The following PARP4 variants were observed in gnomAD, a reference collection of about 807,000 sequenced individuals.
PARP4 encodes protein mono-ADP-ribosyltransferase PARP4.
A neutral mutation model predicts 187.7 loss-of-function variants in PARP4; 120 were observed. That is an observed-to-expected ratio of 0.64 (90% confidence interval 0.55 to 0.74). PARP4 has a LOEUF of 0.74. Among genes scored for constraint, PARP4 ranks in the 30% least tolerant of loss-of-function variants. PARP4 has a pLI of 0.00. For synonymous variants in PARP4, 654 were observed against 740.9 expected, an observed-to-expected ratio of 0.88 and a Z score of 1.90; for missense variants, 1,836 against 2,070.5, an observed-to-expected ratio of 0.89 and a Z score of 2.20.
rs773779252 is a variant in PARP4 at position 24,434,660 on chromosome 13, G to A, written c.4481C>T (p.Thr1494Ile). Residue 1494 changes from threonine to isoleucine, a missense_variant, in exon 31 of 34, where the codon ACC becomes ATC. Thr to Ile is a moderately conservative substitution (Grantham distance 89). This residue lies in a region of PARP4 where 450 missense variants were observed against 439.2 expected (regional missense o/e 1.02). Coordinates refer to ENST00000381989, the MANE Select transcript of PARP4 (RefSeq NM_006437.4). ...PEALCSQSRT[T>I]PVDLCLLEES... ...TTCTAGAAGACAGAGATCTACTGGG[G>A]TAGTCCGGGACTGACTGCAAAGAGC... 3.1e-6 allele frequency: 5 copies of A among 1,613,842 alleles called. No individual in the cohort carries two copies. The highest frequency in any genetic ancestry group is 4.2e-6 in the Non-Finnish European group (5 of 1,179,944).
intron 32 of PARP4, among the ~76,000 whole-genome samples, chr13:24,430,932 G>T (rs1345983002): frequency 2.0e-5 from 3 of 152,222 alleles, no homozygotes; most frequent in East Asian, 1.9e-4. Flanking sequence ...CTAGCAGGGG[G>T]ATGATGCCAG....
Position 24,455,213 on chromosome 13 carries a change from C to T in PARP4, c.2563-1G>A. 6.3e-7 allele frequency: 1 copy of T among 1,575,368 alleles called. No individual in the cohort carries two copies. The highest frequency in any genetic ancestry group is 1.1e-5 in the South Asian group (1 of 88,220). ...CGGGTTGAAAGACAAGCATGCAAGC[C>T]TGAAAGGAGAAAGAAGGTGCTGGAC... On this transcript the variant is annotated splice_acceptor_variant, in intron 21 of 33. Coordinates refer to ENST00000381989, the MANE Select transcript of PARP4 (RefSeq NM_006437.4). LOFTEE classifies it high-confidence loss of function.
rs756843137 is a variant in PARP4, at chr13:24,454,987, C to A, written c.2758+30G>T. 1.4e-5 allele frequency: 21 copies of A among 1,522,190 alleles called. No individual in the cohort carries two copies. In the South Asian group the frequency reaches 2.6e-4, roughly 19 times the overall value. 94.3% of individuals were successfully genotyped at this position (1,522,190 alleles called of 1,614,324 possible). On this transcript the variant is annotated intron_variant, in intron 22 of 33. Transcript: ENST00000381989. The stretch of plus-strand genomic sequence containing the variant: ...ATGTGATTCACATGTAGGGGAAGCA[C>A]ACGCAGGACCAGGGCCAAAGCGCAC...
chr13:24,475,494 C>T lies in PARP4; in HGVS notation c.1892G>A (p.Arg631Lys). 6.2e-7 allele frequency: 1 copy of T among 1,614,082 alleles called. No homozygotes were observed. Among genetic ancestry groups the T allele is most frequent in the Non-Finnish European group, 8.5e-7 (1 of 1,179,924 alleles). ...TACCTGGGCTACAGTGTCTATGATT[C>T]TCCCTTTGATGTGGACATCCTCCAG... The part of the protein sequence containing the change: ...VPLEDVHIKG[R>K]IIDTVAQVIV... The change falls in exon 15 of 34, where the codon AGA (arginine) becomes AAA (lysine). Residue 631 changes from arginine (R) to lysine (K), a missense_variant. Physicochemically the swap from Arg to Lys is conservative, Grantham distance 26. Coordinates refer to ENST00000381989, the MANE Select transcript of PARP4 (RefSeq NM_006437.4).
intron 32 of PARP4, among the ~76,000 whole-genome samples, chr13:24,429,207 T>G (rs57871132): frequency 0.053 from 8,100 of 152,272 alleles, 627 homozygotes; most frequent in African/African-American, 0.17. Flanking sequence ...TTGCTGAGAT[T>G]CTGCGATTCA....
intron 33 of PARP4, among the ~76,000 whole-genome samples, chr13:24,425,179 T>C (rs1031239891): frequency 1.2e-4 from 19 of 152,002 alleles, no homozygotes; most frequent in Non-Finnish European, 2.8e-4. Context: ...TGCACACCTG[T>C]AGTCCCAGTT....
chr13:24,438,289 A>C (rs1870735981), intron 30 of PARP4, among the ~76,000 whole-genome samples: 1 of 152,160 alleles, frequency 6.6e-6, no homozygotes, highest in Admixed American at 6.5e-5. Context: ...TGCACAGTTC[A>C]CAACAGGTTC....
At chr13:24,455,286 C>A in intron 21 of PARP4, 74 bp from the exon 22 acceptor site, 2 of 1,112,276 alleles carry the variant, frequency 1.8e-6, no homozygotes, top group Non-Finnish European at 2.5e-6. Context: ...TAGAAAACTC[C>A]AAAACTTTCT....
At chr13:24,494,503 T>C (rs963941082) in intron 7 of PARP4, 70 bp downstream of exon 7, 7 of 1,398,066 alleles carry the variant, frequency 5.0e-6, no homozygotes, top group Non-Finnish European at 5.9e-6. Flanking sequence ...CAGTCTTTTA[T>C]TTGTAATAGA....
chr13:24,438,716 C>T lies in PARP4; in HGVS notation c.3666+3130G>A, dbSNP rs184197642. On this transcript the variant is annotated intron_variant, in intron 30 of 33. Coordinates refer to ENST00000381989, the MANE Select transcript of PARP4 (RefSeq NM_006437.4). Reference sequence around the variant, plus strand: ...CACTGAGCGCTGTCCTTCCTGAGCACGTCCCAGCAGAAAAGGTGTTGCGCT... The same window carrying T: ...CACTGAGCGCTGTCCTTCCTGAGCATGTCCCAGCAGAAAAGGTGTTGCGCT... Among the ~76,000 whole-genome samples the T allele has an allele frequency of 2.6e-4, 40 of 152,186 alleles. No homozygotes were observed. In the East Asian group the frequency reaches 6.6e-3, roughly 25 times the overall value.
At chr13:24,482,294 A>G (rs1289520849) in intron 12 of PARP4, among the ~76,000 whole-genome samples, 1 of 152,250 alleles carries the variant, frequency 6.6e-6, no homozygotes, top group East Asian at 1.9e-4. Context: ...TTGAACTGAC[A>G]ACAAAGGATT....
chr13:24,449,198 C>T (rs184153495), intron 25 of PARP4, among the ~76,000 whole-genome samples: 193 of 152,152 alleles, frequency 1.3e-3, no homozygotes, highest in Non-Finnish European at 1.2e-3. Context: ...ACCATCCTGG[C>T]TAACACAGTG....
chr13:24,425,567 GTGTATATCTATATC>G (rs1342026093), intron 33 of PARP4, among the ~76,000 whole-genome samples: 137 of 142,378 alleles, frequency 9.6e-4, no homozygotes, highest in African/African-American at 2.3e-3. Context: ...GTGTGTGTGT[GTGTATATCTATATC>G]TATATCTATA....
intron 17 of PARP4, among the ~76,000 whole-genome samples, chr13:24,463,293 A>T (rs1195057027): frequency 6.6e-6 from 1 of 152,132 alleles, no homozygotes; most frequent in Admixed American, 6.6e-5. Flanking sequence ...TCAGCAAAAA[A>T]TATCTTTCAA....
Position 24,426,546 on chromosome 13 carries a change from T to C in PARP4, c.4899A>G (p.Leu1633=), listed in dbSNP as rs2137430691. The C allele has an allele frequency of 6.2e-7, 1 of 1,611,924 alleles. No individual in the cohort carries two copies. The highest frequency in any genetic ancestry group is 1.1e-5 in the South Asian group (1 of 91,012). ...LLDLIATMLV[L]QFIRTRLEKE... ...TTTCCAACCTGGTGCGAATAAACTGTAGTACCAGCATTGTGGCAATTAGGT... is the reference window on the plus strand; with the variant it reads ...TTTCCAACCTGGTGCGAATAAACTGCAGTACCAGCATTGTGGCAATTAGGT... Residue 1633 remains leucine (L), a synonymous_variant, in exon 33 of 34, where the codon CTA becomes CTG. Coordinates refer to ENST00000381989, the MANE Select transcript of PARP4 (RefSeq NM_006437.4).
intron 7 of PARP4, among the ~76,000 whole-genome samples, chr13:24,494,038 G>C (rs1868809885): frequency 6.6e-6 from 1 of 152,166 alleles, no homozygotes; most frequent in African/African-American, 2.4e-5. Context: ...CTTGACTCAT[G>C]GCCTAGGTTG....
chr13:24,473,834 T>C (rs1351203577), intron 15 of PARP4, among the ~76,000 whole-genome samples: 1 of 152,054 alleles, frequency 6.6e-6, no homozygotes, highest in Non-Finnish European at 1.5e-5. Context: ...CTCCCCTCCC[T>C]GTTCAGCTGT....
chr13:24,455,924 A>C (rs942490541), intron 21 of PARP4, among the ~76,000 whole-genome samples: 1 of 152,094 alleles, frequency 6.6e-6, no homozygotes, highest in African/African-American at 2.4e-5. Context: ...CACCCAGCCT[A>C]AGTTTCTATT....
At chr13:24,470,556 A>C (rs568483721) in intron 15 of PARP4, among the ~76,000 whole-genome samples, 1 of 152,218 alleles carries the variant, frequency 6.6e-6, no homozygotes, top group East Asian at 1.9e-4. Context: ...TCTATTATCT[A>C]ATTAATCTTT....
Sources: allele counts gnomAD v4.1 joint callset (sites outside exome capture counted in the v4.1 genomes callset), GRCh38; gene constraint gnomAD v4.1.1; regional missense constraint gnomAD v4.1.1; transcripts MANE v1.5; gene names NCBI Gene and HGNC (gene_info 2026-07-23, HGNC 2026-07-21).